Variants in TM2D1 observed in about 807,000 individuals in gnomAD.
The protein encoded by TM2D1 is TM2 domain containing 1.
TM2D1 carries 15 observed loss-of-function variants against 28.4 expected under a neutral mutation model. The ratio of observed to expected loss-of-function variants is 0.53; its 90% CI spans 0.35 to 0.81. The LOEUF (loss-of-function observed/expected upper bound fraction) is 0.81, where lower values mean the gene tolerates loss of function less well. Ranked by LOEUF, TM2D1 falls within the 40% of genes least tolerant of loss-of-function variation. The probability of loss-of-function intolerance (pLI) is 0.01; values close to 1 mark genes in which losing one functional copy is unlikely to be tolerated. For missense variants in TM2D1, 236 were observed against 254.9 expected, an observed-to-expected ratio of 0.93 and a Z score of 0.50; for synonymous variants, 93 against 96.2, an observed-to-expected ratio of 0.97 and a Z score of 0.20.
intron 5 of TM2D1, among the ~76,000 whole-genome samples, chr1:61,691,936 T>TATATATATATAA (rs1644330022): frequency 1.3e-5 from 1 of 78,814 alleles, no homozygotes; most frequent in Non-Finnish European, 2.3e-5. Flanking sequence ...AAAAAAAATA[T>TATATATATATAA]ATATATATAT....
chr1:61,686,691 C>T, intron 5 of TM2D1: 2 of 560,996 alleles, frequency 3.6e-6, no homozygotes, highest in Non-Finnish European at 4.5e-6. Context: ...AATAATAAAA[C>T]CTGTTTTAAG....
At chr1:61,694,518 G>C (rs1371160874) in intron 5 of TM2D1, 179 bp downstream of exon 5, 2 of 443,940 alleles carry the variant, frequency 4.5e-6, no homozygotes, top group Non-Finnish European at 8.1e-6. Flanking sequence ...GTAGAGCACA[G>C]TTTGAGAAAT....
intron 3 of TM2D1, among the ~76,000 whole-genome samples, chr1:61,707,732 G>A (rs1322637713): frequency 2.0e-5 from 3 of 152,202 alleles, no homozygotes; most frequent in East Asian, 1.9e-4. Flanking sequence ...TTAACTCAAT[G>A]AGGTAGGGTC....
chr1:61,691,932 A>AAATATATATAT, intron 5 of TM2D1, among the ~76,000 whole-genome samples: 26 of 76,394 alleles, frequency 3.4e-4, no homozygotes, highest in Non-Finnish European at 5.7e-4. Context: ...AAAAAAAAAA[A>AAATATATATAT]ATATATATAT....
intron 1 of TM2D1, 26 bp from the exon 2 acceptor site, chr1:61,723,812 G>A (rs912051542): frequency 6.2e-6 from 7 of 1,132,850 alleles, no homozygotes; most frequent in East Asian, 2.6e-5. Flanking sequence ...AAGGAAATAC[G>A]GACTACATTC....
At chr1:61,697,216 T>A (rs1166638483) in intron 4 of TM2D1, among the ~76,000 whole-genome samples, 1 of 151,122 alleles carries the variant, frequency 6.6e-6, no homozygotes, top group Non-Finnish European at 1.5e-5. Context: ...TGGAGTAAGA[T>A]ATGCTGTAAG....
In TM2D1 at chr1:61,704,936, G is replaced by C. The variant is rs576203654; in HGVS notation, c.348-3911C>G. Among the ~76,000 whole-genome samples, 68 of 152,154 alleles carry C rather than the reference G, an allele frequency of 4.5e-4. 1 individual carries two copies. Among genetic ancestry groups the C allele is most frequent in the Non-Finnish European group, 6.2e-4 (42 of 68,000 alleles). ...AAAGAGAGAGAGAAAGAAGGGAATAGCCAAATGCTGCAGAAAGATTAAGAT... is the reference window on the plus strand; with the variant it reads ...AAAGAGAGAGAGAAAGAAGGGAATACCCAAATGCTGCAGAAAGATTAAGAT... On this transcript the variant is annotated intron_variant, in intron 3 of 6. Coordinates refer to ENST00000606498, the MANE Select transcript of TM2D1 (RefSeq NM_032027.3).
chr1:61,702,297 A>G (rs1445682131), intron 3 of TM2D1, among the ~76,000 whole-genome samples: 2 of 152,072 alleles, frequency 1.3e-5, no homozygotes, highest in Non-Finnish European at 2.9e-5. Context: ...GAAGAAAAAG[A>G]AACAAATGCA....
In TM2D1 at chr1:61,724,998, C is replaced by T; in HGVS notation, c.123G>A (p.Gly41=). The change falls in exon 1 of 7, where the codon GGG becomes GGA. Residue 41 remains glycine (G), a synonymous_variant. Transcript: ENST00000606498. ...GPWGAVATSA[G]GEESLKCEDL... is the part of the protein sequence containing the mutation. ...CCTCGCACTTAAGCGACTCCTCGCC[C>T]CCGGCGGAGGTGGCAACAGCCCCCC... 6.2e-7 allele frequency: 1 copy of T among 1,609,138 alleles called. No individual in the cohort carries two copies. Among genetic ancestry groups the T allele is most frequent in the East Asian group, 2.2e-5 (1 of 44,676 alleles).
At chr1:61,685,161 G>A (rs192554089) in intron 5 of TM2D1, among the ~76,000 whole-genome samples, 13 of 152,222 alleles carry the variant, frequency 8.5e-5, no homozygotes, top group Admixed American at 6.5e-5. Context: ...TTCTGTAGAA[G>A]AGGAATAAAA....
chr1:61,685,218 A>G (rs1335463619), intron 5 of TM2D1, among the ~76,000 whole-genome samples: 18 of 152,218 alleles, frequency 1.2e-4, no homozygotes, highest in African/African-American at 4.3e-4. Context: ...ATGGTTAGTG[A>G]AGAGTTCATG....
At chr1:61,687,378 C>T (rs978251598) in intron 5 of TM2D1, among the ~76,000 whole-genome samples, 1 of 152,110 alleles carries the variant, frequency 6.6e-6, no homozygotes, top group Non-Finnish European at 1.5e-5. Context: ...TAACTGTACA[C>T]TTAAAGATTA....
At chr1:61,688,259 T>C (rs983863788) in intron 5 of TM2D1, among the ~76,000 whole-genome samples, 4 of 152,116 alleles carry the variant, frequency 2.6e-5, no homozygotes, top group Admixed American at 2.6e-4. Flanking sequence ...TAAAAAAAAA[T>C]CTACCCACAG....
chr1:61,701,229 C>T (rs1286772956), intron 3 of TM2D1, among the ~76,000 whole-genome samples: 1 of 142,394 alleles, frequency 7.0e-6, no homozygotes, highest in Non-Finnish European at 1.5e-5. Flanking sequence ...GTGTAGCTTA[C>T]AGGCTGGTGG....
intron 2 of TM2D1, among the ~76,000 whole-genome samples, chr1:61,710,415 G>T (rs1317861656): frequency 2.0e-5 from 2 of 102,112 alleles, no homozygotes; most frequent in African/African-American, 7.8e-5. Context: ...GACAGAGCAA[G>T]ACCCTGTCCC....
chr1:61,687,392 T>A (rs1644292000), intron 5 of TM2D1, among the ~76,000 whole-genome samples: 1 of 152,192 alleles, frequency 6.6e-6, no homozygotes, highest in South Asian at 2.1e-4. Context: ...AAGATTAAAG[T>A]GGCAATTTTT....
In TM2D1 at chr1:61,700,597, T is replaced by G. The variant is rs376420725; in HGVS notation, c.439+337A>C. ...GGGCAGAAGGAAATATTTTTTGGAGTGGTAGAGGATGTACATTTATTCGTA... is the reference window on the plus strand; with the variant it reads ...GGGCAGAAGGAAATATTTTTTGGAGGGGTAGAGGATGTACATTTATTCGTA... On this transcript the variant is annotated intron_variant, in intron 4 of 6. Transcript: ENST00000606498. 2.2e-4 allele frequency among the ~76,000 whole-genome samples: 33 copies of G among 152,102 alleles called. No individual in the cohort carries two copies. The South Asian group carries it at 5.0e-3, about 23-fold the overall frequency.
intron 5 of TM2D1, chr1:61,686,954 G>A (rs1644289707): frequency 8.1e-6 from 8 of 984,648 alleles, no homozygotes; most frequent in Non-Finnish European, 9.6e-6. Context: ...CCCAATACTG[G>A]GAATTTTTTT....
At chr1:61,690,263 C>A (rs1644313927) in intron 5 of TM2D1, among the ~76,000 whole-genome samples, 1 of 151,960 alleles carries the variant, frequency 6.6e-6, no homozygotes, top group Non-Finnish European at 1.5e-5. Flanking sequence ...TCAAGACCAG[C>A]CTGGCCAATA....
Sources: gnomAD v4.1 joint callset for allele counts (sites outside exome capture counted in the v4.1 genomes callset) on GRCh38, gnomAD v4.1.1 for gene constraint, MANE v1.5 for transcripts, NCBI Gene and HGNC (gene_info 2026-07-23, HGNC 2026-07-21) for gene names.